The following HPSE2 variants were observed in gnomAD, a reference collection of about 807,000 sequenced individuals.
HPSE2 encodes heparanase 2 (inactive).
Under a neutral mutation model 60.5 loss-of-function variants are expected in HPSE2, and 38 were observed. The ratio of observed to expected loss-of-function variants is 0.63; its 90% CI spans 0.48 to 0.82. HPSE2 has a LOEUF of 0.82. Among genes scored for constraint, HPSE2 ranks in the 40% least tolerant of loss-of-function variants. The pLI, the probability that HPSE2 is intolerant of heterozygous loss-of-function variation, is 0.00. For synonymous variants in HPSE2, 295 were observed against 293.2 expected, an observed-to-expected ratio of 1.01 and a Z score of -0.06; for missense variants, 713 against 740.4, an observed-to-expected ratio of 0.96 and a Z score of 0.43.
chr10:99,010,625 T>C (rs1956991705), intron 3 of HPSE2, among the ~76,000 whole-genome samples: 1 of 152,178 alleles, frequency 6.6e-6, no homozygotes, highest in Non-Finnish European at 1.5e-5. Context: ...AAAACCTGGT[T>C]AACAATTTGG....
At chr10:98,585,951 C>CAA (rs35839169) in intron 9 of HPSE2, among the ~76,000 whole-genome samples, 6 of 117,082 alleles carry the variant, frequency 5.1e-5, no homozygotes, top group African/African-American at 1.0e-4. Flanking sequence ...GACTGTGTCT[C>CAA]AAAAAAAAAA....
chr10:99,261,905 G>A, the HPSE2 span, among the ~76,000 whole-genome samples: 1 of 152,250 alleles, frequency 6.6e-6, no homozygotes, highest in Admixed American at 6.5e-5. Context: ...AATGCACAAA[G>A]CCCGGGATTT....
At chr10:99,247,972 C>T in the HPSE2 span, among the ~76,000 whole-genome samples, 1 of 152,230 alleles carries the variant, frequency 6.6e-6, no homozygotes, top group Non-Finnish European at 1.5e-5. Flanking sequence ...GCCATACTTA[C>T]TGTACAGCCT....
At chr10:98,753,450 A>G (rs771775525) in intron 3 of HPSE2, among the ~76,000 whole-genome samples, 37 of 152,216 alleles carry the variant, frequency 2.4e-4, no homozygotes, top group Non-Finnish European at 5.0e-4. Context: ...TTGTACATCA[A>G]TGTTAATAGC....
chr10:98,958,110 A>G (rs1340956381), intron 3 of HPSE2, among the ~76,000 whole-genome samples: 1 of 152,136 alleles, frequency 6.6e-6, no homozygotes, highest in Non-Finnish European at 1.5e-5. Flanking sequence ...AATTCCCAAG[A>G]GATTAGTAGG....
intron 3 of HPSE2, among the ~76,000 whole-genome samples, chr10:98,913,199 T>C (rs1439219462): frequency 2.0e-5 from 3 of 152,364 alleles, no homozygotes; most frequent in Non-Finnish European, 4.4e-5. Context: ...GTAGAGTTGT[T>C]ATCTAATTAG....
At chr10:98,945,263 G>A (rs902660833) in intron 3 of HPSE2, among the ~76,000 whole-genome samples, 1 of 152,124 alleles carries the variant, frequency 6.6e-6, no homozygotes, top group Non-Finnish European at 1.5e-5. Flanking sequence ...TGGTCACAAT[G>A]TACAAGTTTT....
At chr10:98,491,861 C>T (rs768809304) in intron 9 of HPSE2, among the ~76,000 whole-genome samples, 1 of 152,160 alleles carries the variant, frequency 6.6e-6, no homozygotes, top group Non-Finnish European at 1.5e-5. Context: ...ACAAGGAATT[C>T]AACCTAAAGG....
chr10:98,864,656 G>C lies in HPSE2; in HGVS notation c.611-120600C>G, dbSNP rs575133145. Among the ~76,000 whole-genome samples the C allele has an allele frequency of 1.4e-4, 22 of 152,238 alleles. No individual in the cohort carries two copies. In the East Asian group the frequency reaches 4.0e-3, roughly 28 times the overall value. On this transcript the variant is annotated intron_variant, in intron 3 of 11. Coordinates refer to ENST00000370552, the MANE Select transcript of HPSE2 (RefSeq NM_021828.5). ...GGTACATTTCCTAGAGCAGCTAATA[G>C]GACACTCACAAACACAAGCTGCCCT...
At chr10:98,484,183 T>C (rs767094169) in intron 10 of HPSE2, among the ~76,000 whole-genome samples, 6 of 151,992 alleles carry the variant, frequency 3.9e-5, no homozygotes, top group Admixed American at 6.6e-5. Flanking sequence ...TGCCTTCCTT[T>C]CTTCCTTCCT....
chr10:98,692,497 G>A (rs1039973971), intron 6 of HPSE2, among the ~76,000 whole-genome samples: 1 of 152,246 alleles, frequency 6.6e-6, no homozygotes, highest in African/African-American at 2.4e-5. Flanking sequence ...GGCCGGGCGC[G>A]GTGGCTCACG....
chr10:98,659,297 G>A (rs1947161415), intron 6 of HPSE2, among the ~76,000 whole-genome samples: 1 of 152,002 alleles, frequency 6.6e-6, no homozygotes. Context: ...TCAGGCCTCT[G>A]TACACTCAGG....
At chr10:98,793,009 T>G (rs937171720) in intron 3 of HPSE2, among the ~76,000 whole-genome samples, 1 of 152,204 alleles carries the variant, frequency 6.6e-6, no homozygotes, top group Non-Finnish European at 1.5e-5. Flanking sequence ...CAAATTGGAA[T>G]GTGAAATTTT....
At chr10:99,005,708 A>T (rs1291230405) in intron 3 of HPSE2, among the ~76,000 whole-genome samples, 1 of 151,998 alleles carries the variant, frequency 6.6e-6, no homozygotes, top group Non-Finnish European at 1.5e-5. Flanking sequence ...TGGTAGTGTT[A>T]TATCTCCTTG....
At chr10:99,056,110 A>G (rs1958107383) in intron 3 of HPSE2, among the ~76,000 whole-genome samples, 1 of 143,120 alleles carries the variant, frequency 7.0e-6, no homozygotes, top group Admixed American at 7.1e-5. Flanking sequence ...AATATCAGGA[A>G]TAAAAGCAGA....
intron 6 of HPSE2, among the ~76,000 whole-genome samples, chr10:98,658,696 A>G (rs1947143332): frequency 6.6e-6 from 1 of 152,170 alleles, no homozygotes; most frequent in Non-Finnish European, 1.5e-5. Context: ...GATGTAAGGT[A>G]TGGATTAAGC....
chr10:99,138,594 G>A (rs571329158), intron 3 of HPSE2, among the ~76,000 whole-genome samples: 3 of 152,302 alleles, frequency 2.0e-5, no homozygotes, highest in East Asian at 1.9e-4. Flanking sequence ...CCTTTGCAGG[G>A]ACATGGATGA....
the HPSE2 span, among the ~76,000 whole-genome samples, chr10:99,271,169 C>A: frequency 6.6e-6 from 1 of 152,210 alleles, no homozygotes; most frequent in Admixed American, 6.5e-5. Flanking sequence ...TAAAGGACAT[C>A]CAAATCAGTA....
intron 2 of HPSE2, among the ~76,000 whole-genome samples, chr10:99,152,800 C>A (rs942260707): frequency 6.6e-6 from 1 of 152,182 alleles, no homozygotes; most frequent in Non-Finnish European, 1.5e-5. Context: ...GCGTGAGTGA[C>A]GCAGAAGACG....
Sources: allele counts gnomAD v4.1 joint callset (sites outside exome capture counted in the v4.1 genomes callset), GRCh38; gene constraint gnomAD v4.1.1; transcripts MANE v1.5; gene names NCBI Gene and HGNC (gene_info 2026-07-23, HGNC 2026-07-21).